WDR49: variants seen among roughly 807,000 people sequenced by gnomAD.
WDR49 encodes the protein cilia- and flagella-associated protein 337.
A neutral mutation model predicts 119.5 loss-of-function variants in WDR49; 107 were observed. That is an observed-to-expected ratio of 0.90 (90% CI 0.77 to 1.05). The LOEUF is 1.05. WDR49 is among the 50% of genes least tolerant of loss of function. The pLI, the probability that WDR49 is intolerant of heterozygous loss-of-function variation, is 0.00. For missense variants in WDR49, 1,240 were observed against 1,220.5 expected (o/e 1.02, Z -0.24); for synonymous variants, 425 against 418.8 (o/e 1.01, Z -0.18).
intron 7 of WDR49, among the ~76,000 whole-genome samples, chr3:167,596,732 AG>A (rs1416472104): frequency 1.2e-4 from 8 of 67,650 alleles, no homozygotes; most frequent in South Asian, 6.3e-4. Context: ...GGGTGGGGGG[AG>A]GGGGGAGGGA....
At chr3:167,639,379 G>A (rs1478114119) in intron 2 of WDR49, among the ~76,000 whole-genome samples, 1 of 151,618 alleles carries the variant, frequency 6.6e-6, no homozygotes, top group Non-Finnish European at 1.5e-5. Flanking sequence ...ATTAAGAAAA[G>A]ACTTCTCTGA....
rs534799971 is a variant in WDR49 at position 167,478,943 on chromosome 3, G to A, written c.3085C>T (p.His1029Tyr). Residue 1029 changes from histidine to tyrosine, a missense_variant, in exon 19 of 19, where the codon CAT (histidine) becomes TAT (tyrosine). Coordinates refer to ENST00000682715, the MANE Select transcript of WDR49 (RefSeq NM_001366157.1). ...CATAATTGCTTGGCTTTTCGTTCAT[G>A]ATGCAGAATTTCCTTGGGAAACAGG... ...KNLFPKEILH[H>Y]ERKAKQLCQE... is the part of the protein sequence containing the mutation. The A allele has an allele frequency of 5.6e-6, 9 of 1,608,984 alleles. No homozygotes were observed. The African/African-American group carries it at 1.1e-4, about 19-fold the overall frequency.
chr3:167,632,098 A>G (rs962493556), intron 2 of WDR49, among the ~76,000 whole-genome samples: 1 of 152,068 alleles, frequency 6.6e-6, no homozygotes, highest in African/African-American at 2.4e-5. Flanking sequence ...AAACTAAGGC[A>G]ATGTTGATTT....
chr3:167,505,285 A>G lies in WDR49; in HGVS notation c.2884+22T>C, dbSNP rs373819463. ...CTGTTAAATAATATTATAAAAATAC[A>G]TTAACAACAGTGACTACTTACTGAA... is the stretch of plus-strand genomic sequence containing the variant. On this transcript the variant is annotated intron_variant, in intron 17 of 18. Transcript: ENST00000682715. The G allele has an allele frequency of 7.5e-6, 11 of 1,460,178 alleles. No individual in the cohort carries two copies. The East Asian group carries it at 1.3e-4, about 17-fold the overall frequency. 90.5% of individuals were successfully genotyped at this position (1,460,178 alleles called of 1,614,324 possible).
At position 167,529,250 on chromosome 3, in the gene WDR49, A is replaced by C; in HGVS notation, c.2219-11T>G. Reference sequence around the variant, plus strand: ...CCAGGTTAGCTCCTCCTAACATGTAAGGGAAAAATCTAACTAGAAAACTGA... The same window carrying C: ...CCAGGTTAGCTCCTCCTAACATGTACGGGAAAAATCTAACTAGAAAACTGA... On this transcript the variant is annotated splice_polypyrimidine_tract_variant and intron_variant, in intron 13 of 18. Transcript: ENST00000682715. 1 of 1,557,158 alleles carries C rather than the reference A, an allele frequency of 6.4e-7. No homozygotes were observed.
chr3:167,614,101 C>A (rs1042260477), intron 5 of WDR49, among the ~76,000 whole-genome samples: 2 of 152,152 alleles, frequency 1.3e-5, no homozygotes, highest in Non-Finnish European at 2.9e-5. Flanking sequence ...CTTGTCCCCC[C>A]TCCTGCGTCC....
chr3:167,508,912 C>T (rs1271740945), intron 16 of WDR49, among the ~76,000 whole-genome samples: 1 of 152,114 alleles, frequency 6.6e-6, no homozygotes, highest in Admixed American at 6.6e-5. Flanking sequence ...TAATTTCTCA[C>T]ATGAAATCTA....
At chr3:167,524,258 T>C (rs1752557202) in intron 15 of WDR49, among the ~76,000 whole-genome samples, 1 of 152,226 alleles carries the variant, frequency 6.6e-6, no homozygotes, top group South Asian at 2.1e-4. Context: ...GTTTCTTTCT[T>C]GTACATTTGT....
Position 167,620,453 on chromosome 3 carries a change from GAAGTTTATGCTCTAATATATGGC to G in WDR49, c.911_933del (p.Cys304SerfsTer28). On this transcript the variant is annotated frameshift_variant, in exon 5 of 19. Transcript: ENST00000682715. LOFTEE classifies it high-confidence loss of function. The stretch of plus-strand genomic sequence containing the variant: ...CCTTGCCTGACCCAATCTCCTTGAT[GAAGTTTATGCTCTAATATATGGC>G]AACATTTGTGACATCCAGAGAGCAG... The G allele has an allele frequency of 6.5e-7, 1 of 1,535,552 alleles. No individual in the cohort carries two copies. The highest frequency in any genetic ancestry group is 1.2e-5 in the South Asian group (1 of 83,940).
At chr3:167,503,032 A>C (rs1038953337) in intron 17 of WDR49, among the ~76,000 whole-genome samples, 6 of 152,166 alleles carry the variant, frequency 3.9e-5, no homozygotes, top group African/African-American at 1.4e-4. Context: ...AGCCCCTCCC[A>C]TCACAGGCCC....
At chr3:167,617,579 T>G (rs1369663961) in intron 5 of WDR49, among the ~76,000 whole-genome samples, 1 of 152,018 alleles carries the variant, frequency 6.6e-6, no homozygotes. Flanking sequence ...AAAGAAAGAC[T>G]TGTCTTTAGT....
In WDR49 at chr3:167,653,500, C is replaced by A; in HGVS notation, c.-74-1G>T. Reference sequence around the variant, plus strand: ...ATCTTCTTTTTCCTTCAACAGGTGCCTTTGAAAAGAAACTCAACTTAGCAA... The same window carrying A: ...ATCTTCTTTTTCCTTCAACAGGTGCATTTGAAAAGAAACTCAACTTAGCAA... On this transcript the variant is annotated splice_acceptor_variant, in intron 1 of 18. Coordinates refer to ENST00000682715, the MANE Select transcript of WDR49 (RefSeq NM_001366157.1). LOFTEE classifies it low-confidence loss of function (5UTR_SPLICE). The A allele has an allele frequency of 7.1e-7, 1 of 1,398,894 alleles. No homozygotes were observed. Among genetic ancestry groups the A allele is most frequent in the South Asian group, 1.7e-5 (1 of 60,472 alleles). 86.7% of individuals were successfully genotyped at this position (1,398,894 alleles called of 1,614,324 possible).
intron 15 of WDR49, among the ~76,000 whole-genome samples, chr3:167,526,067 A>C (rs1296344692): frequency 6.6e-6 from 1 of 151,986 alleles, no homozygotes; most frequent in Admixed American, 6.6e-5. Context: ...GAACTAGAAA[A>C]CCGTTTTCCC....
rs140920956 is a variant in WDR49 at position 167,610,075 on chromosome 3, C to G, written c.959-5607G>C. On this transcript the variant is annotated intron_variant, in intron 5 of 18. Transcript: ENST00000682715. ...AAGGGTCTTGGATGAGCCTCTGAGA[C>G]TTGCTGGCTTCAGGTGAGACTCGGC... 2.3e-3 allele frequency among the ~76,000 whole-genome samples: 355 copies of G among 152,216 alleles called. 1 individual carries two copies. The highest frequency in any genetic ancestry group is 7.9e-3 in the African/African-American group (330 of 41,576).
chr3:167,533,033 G>A, intron 11 of WDR49, 56 bp from the exon 12 acceptor site: 3 of 1,288,756 alleles, frequency 2.3e-6, no homozygotes, highest in Non-Finnish European at 2.2e-6. Context: ...TAGAAAATAT[G>A]AGCAACAGCA....
intron 17 of WDR49, 69 bp downstream of exon 17, chr3:167,505,238 A>C: frequency 2.3e-6 from 3 of 1,317,386 alleles, no homozygotes; most frequent in Non-Finnish European, 2.9e-6. Context: ...CACACAGAGT[A>C]GACATTTGTA....
At chr3:167,633,158 A>G (rs1399383531) in intron 2 of WDR49, among the ~76,000 whole-genome samples, 3 of 150,986 alleles carry the variant, frequency 2.0e-5, no homozygotes, top group East Asian at 2.0e-4. Flanking sequence ...AATATTAGTG[A>G]TCTCTACCAG....
chr3:167,529,120 T>A lies in WDR49; in HGVS notation c.2338A>T (p.Thr780Ser). The A allele has an allele frequency of 1.9e-6, 3 of 1,611,356 alleles. No homozygotes were observed. The highest frequency in any genetic ancestry group is 2.5e-6 in the Non-Finnish European group (3 of 1,179,042). Reference protein sequence around the residue: ...HSGVGSIIMSTDKMNRYLTTG... With the variant: ...HSGVGSIIMSSDKMNRYLTTG... Reference sequence around the variant, plus strand: ...GTAAGGTATCGATTCATCTTATCAGTAGACATAATAATCGATCCAACTCCA... The same window carrying A: ...GTAAGGTATCGATTCATCTTATCAGAAGACATAATAATCGATCCAACTCCA... Residue 780 changes from threonine (T) to serine (S), a missense_variant, in exon 14 of 19, where the codon ACT becomes TCT. By Grantham distance (58) the Thr-to-Ser change is moderately conservative (BLOSUM62 1). Transcript: ENST00000682715.
At chr3:167,631,659 T>G (rs923218813) in intron 2 of WDR49, among the ~76,000 whole-genome samples, 1 of 151,742 alleles carries the variant, frequency 6.6e-6, no homozygotes, top group Non-Finnish European at 1.5e-5. Context: ...GAAGCGAGAG[T>G]CAGGCCTGGA....
Sources: gnomAD v4.1 joint callset for allele counts (sites outside exome capture counted in the v4.1 genomes callset) on GRCh38, gnomAD v4.1.1 for gene constraint, MANE v1.5 for transcripts, NCBI Gene and HGNC (gene_info 2026-07-23, HGNC 2026-07-21) for gene names.